AKAP13: variants seen among roughly 807,000 people sequenced by gnomAD.
AKAP13 encodes A-kinase anchor protein 13.
A neutral mutation model predicts 264.5 loss-of-function variants in AKAP13; 80 were observed. The ratio of observed to expected loss-of-function variants is 0.30; its 90% CI spans 0.25 to 0.36. The LOEUF is 0.36. Among genes scored for constraint, AKAP13 ranks in the 10% least tolerant of loss-of-function variants. The pLI is 1.00. For missense variants in AKAP13, 3,712 were observed against 3,435.2 expected (o/e 1.08, Z -2.01); for synonymous variants, 1,380 against 1,250.2 (o/e 1.10, Z -2.19).
At chr15:85,450,661 G>A (rs1219918721) in intron 1 of AKAP13, among the ~76,000 whole-genome samples, 1 of 152,120 alleles carries the variant, frequency 6.6e-6, no homozygotes, top group African/African-American at 2.4e-5. Flanking sequence ...GTAATTGGAT[G>A]GTTTTGAGTG....
chr15:85,451,918 C>T (rs2074106175), intron 1 of AKAP13, among the ~76,000 whole-genome samples: 2 of 152,256 alleles, frequency 1.3e-5, no homozygotes, highest in African/African-American at 4.8e-5. Flanking sequence ...GCCTCTCTAG[C>T]AAAGTTGGGA....
rs1428858545 is a variant in AKAP13 at position 85,515,532 on chromosome 15, T to A, written c.34-5896T>A. 4.3e-5 allele frequency among the ~76,000 whole-genome samples: 6 copies of A among 139,262 alleles called. 1 individual carries two copies. Among genetic ancestry groups the A allele is most frequent in the African/African-American group, 1.7e-4 (6 of 34,762 alleles). 91.4% of individuals were successfully genotyped at this position (139,262 alleles called of 152,430 possible). A position where few individuals can be genotyped will look rare whatever the true frequency, so the allele number is the denominator to read the frequency against. Reference sequence around the variant, plus strand: ...GATTTTGCAAGTTGTCCCGATAATATCCTTAATAGCAGCTTGTTTTTATTA... The same window carrying A: ...GATTTTGCAAGTTGTCCCGATAATAACCTTAATAGCAGCTTGTTTTTATTA... On this transcript the variant is annotated intron_variant, in intron 2 of 36. Coordinates refer to ENST00000394518, the MANE Select transcript of AKAP13 (RefSeq NM_007200.5).
intron 16 of AKAP13, among the ~76,000 whole-genome samples, chr15:85,688,424 A>G (rs947572406): frequency 2.0e-5 from 3 of 152,198 alleles, no homozygotes; most frequent in African/African-American, 4.8e-5. Flanking sequence ...CTAGACCTAC[A>G]TCTTTTAAAG....
At chr15:85,638,456 A>G (rs1307706246) in intron 8 of AKAP13, among the ~76,000 whole-genome samples, 1 of 152,120 alleles carries the variant, frequency 6.6e-6, no homozygotes, top group Non-Finnish European at 1.5e-5. Context: ...TTATGCTATT[A>G]TTGGGTGGAG....
At chr15:85,615,070 T>C (rs542046161) in intron 8 of AKAP13, among the ~76,000 whole-genome samples, 11 of 152,350 alleles carry the variant, frequency 7.2e-5, no homozygotes, top group Admixed American at 2.0e-4. Context: ...TTTGTGTGTA[T>C]GATCCATGAG....
At chr15:85,653,650 A>AT in intron 10 of AKAP13, among the ~76,000 whole-genome samples, 1 of 152,070 alleles carries the variant, frequency 6.6e-6, no homozygotes, top group East Asian at 1.9e-4. Context: ...GATTTTCATA[A>AT]TTTTTTTCTC....
At position 85,613,715 on chromosome 15, in the gene AKAP13, A is replaced by ATATAT. The variant is rs1421387238; in HGVS notation, c.4162-25659_4162-25658insTATAT. Among the ~76,000 whole-genome samples the ATATAT allele has an allele frequency of 2.5e-3, 193 of 77,010 alleles. 6 individuals are homozygous for ATATAT. The highest frequency in any genetic ancestry group is 6.1e-3 in the Middle Eastern group (1 of 164). 50.5% of individuals were successfully genotyped at this position (77,010 alleles called of 152,430 possible). ...AAATATATATATATATATATATATT[A>ATATAT]GGAGTGCTGATTGATGGACAGATGT... On this transcript the variant is annotated intron_variant, in intron 8 of 36. Coordinates refer to ENST00000394518, the MANE Select transcript of AKAP13 (RefSeq NM_007200.5).
chr15:85,559,058 C>T (rs2078254836), intron 5 of AKAP13, among the ~76,000 whole-genome samples: 1 of 151,496 alleles, frequency 6.6e-6, no homozygotes, highest in Admixed American at 6.6e-5. Flanking sequence ...TTCCAAGTTT[C>T]AGCTTATTTT....
intron 33 of AKAP13, among the ~76,000 whole-genome samples, chr15:85,737,293 G>A (rs1383823778): frequency 6.6e-6 from 1 of 152,052 alleles, no homozygotes; most frequent in Non-Finnish European, 1.5e-5. Flanking sequence ...TGTCCTTCTG[G>A]AAGGATGCCC....
At chr15:85,538,027 G>A (rs186934054) in intron 4 of AKAP13, among the ~76,000 whole-genome samples, 8 of 152,278 alleles carry the variant, frequency 5.3e-5, no homozygotes, top group Non-Finnish European at 1.0e-4. Context: ...TGGGTGTGGC[G>A]TGAATGGTGG....
intron 1 of AKAP13, among the ~76,000 whole-genome samples, chr15:85,389,318 C>T (rs1249975759): frequency 6.6e-6 from 1 of 152,190 alleles, no homozygotes; most frequent in Non-Finnish European, 1.5e-5. Context: ...TCATGTTGTG[C>T]TTGATCCTCC....
At chr15:85,735,899 C>G (rs1376698242) in intron 32 of AKAP13, among the ~76,000 whole-genome samples, 191 bp from the exon 33 acceptor site, 1 of 152,166 alleles carries the variant, frequency 6.6e-6, no homozygotes, top group Non-Finnish European at 1.5e-5. Flanking sequence ...AGGTTTGTTT[C>G]AGGTGCTCCA....
intron 8 of AKAP13, among the ~76,000 whole-genome samples, chr15:85,593,528 G>T (rs1052540462): frequency 1.4e-4 from 17 of 123,868 alleles, no homozygotes; most frequent in Admixed American, 6.1e-4. Context: ...CCACCATGTG[G>T]GAATTTTTTT....
rs66907883 is a variant in AKAP13 at position 85,735,540 on chromosome 15, C to A, written c.7442-20C>A. 0.013 allele frequency: 15,817 copies of A among 1,190,032 alleles called. 1 individual carries two copies. Among genetic ancestry groups the A allele is most frequent in the East Asian group, 0.039 (907 of 23,060 alleles). 73.7% of individuals were successfully genotyped at this position (1,190,032 alleles called of 1,614,324 possible). The stretch of plus-strand genomic sequence containing the variant: ...TGTTTCACAACTTTAAAAAAAAAAA[C>A]AACCCTATTTTTTGTTTAGGAGGCG... On this transcript the variant is annotated intron_variant, in intron 31 of 36. Coordinates refer to ENST00000394518, the MANE Select transcript of AKAP13 (RefSeq NM_007200.5).
At chr15:85,469,530 GTCA>G (rs2074881809) in intron 1 of AKAP13, among the ~76,000 whole-genome samples, 1 of 152,152 alleles carries the variant, frequency 6.6e-6, no homozygotes, top group Non-Finnish European at 1.5e-5. Flanking sequence ...CTCATCTGGA[GTCA>G]TCATTTGCAG....
chr15:85,740,094 T>C, intron 33 of AKAP13, 128 bp from the exon 34 acceptor site: 2 of 982,278 alleles, frequency 2.0e-6, no homozygotes, highest in South Asian at 3.4e-5. Flanking sequence ...AATTTGAAAA[T>C]ATTTCATAAA....
chr15:85,426,235 C>T (rs1333555416), intron 1 of AKAP13, among the ~76,000 whole-genome samples: 9 of 152,124 alleles, frequency 5.9e-5, no homozygotes, highest in African/African-American at 2.2e-4. Flanking sequence ...TGTAAGGTGT[C>T]ACTGTATTAC....
chr15:85,396,243 A>T (rs1241281333), intron 1 of AKAP13, among the ~76,000 whole-genome samples: 1 of 152,144 alleles, frequency 6.6e-6, no homozygotes, highest in Non-Finnish European at 1.5e-5. Context: ...TTGGTGGTAA[A>T]ATCTATACAG....
intron 9 of AKAP13, 124 bp downstream of exon 9, chr15:85,639,573 C>A (rs986915621): frequency 4.1e-6 from 3 of 738,220 alleles, no homozygotes; most frequent in Non-Finnish European, 6.9e-6. Context: ...TGTATGTGAT[C>A]TGGGTTTGTA....
Sources: gnomAD v4.1 joint callset for allele counts (sites outside exome capture counted in the v4.1 genomes callset) on GRCh38, gnomAD v4.1.1 for gene constraint, MANE v1.5 for transcripts, NCBI Gene and HGNC (gene_info 2026-07-23, HGNC 2026-07-21) for gene names.